Variants in ENOPH1 observed in about 807,000 individuals in gnomAD.
ENOPH1 encodes the protein enolase-phosphatase 1, also known as enolase-phosphatase E1.
ENOPH1 carries 14 observed loss-of-function variants against 31.1 expected under a neutral mutation model. The ratio of observed to expected loss-of-function variants is 0.45; its 90% CI spans 0.30 to 0.70. ENOPH1 has a LOEUF of 0.70. Ranked by LOEUF, ENOPH1 falls within the 30% of genes least tolerant of loss-of-function variation. ENOPH1 has a pLI of 0.09. For missense variants in ENOPH1, 243 were observed against 321.5 expected (o/e 0.76, Z 1.87); for synonymous variants, 127 against 123.2 (o/e 1.03, Z -0.21).
rs1242690996 is a variant in ENOPH1 at position 82,448,844 on chromosome 4, G to A, written c.186+823G>A. Among the ~76,000 whole-genome samples the A allele has an allele frequency of 4.6e-5, 7 of 151,214 alleles. No individual in the cohort carries two copies. In the South Asian group the frequency reaches 6.3e-4, roughly 14 times the overall value. Reference sequence around the variant, plus strand: ...GAGGCCGAGGCGGGCGGATCACGAGGTCAGGAGATCGAGACCATCTCGGCT... The same window carrying A: ...GAGGCCGAGGCGGGCGGATCACGAGATCAGGAGATCGAGACCATCTCGGCT... On this transcript the variant is annotated intron_variant, in intron 2 of 5. Coordinates refer to ENST00000273920, the MANE Select transcript of ENOPH1 (RefSeq NM_021204.5).
chr4:82,442,891 C>G (rs1722077052), intron 1 of ENOPH1, among the ~76,000 whole-genome samples: 1 of 152,178 alleles, frequency 6.6e-6, no homozygotes, highest in African/African-American at 2.4e-5. Flanking sequence ...GTGGCGTGAT[C>G]TTGGCTTACC....
At chr4:82,440,353 G>A (rs1189905663) in intron 1 of ENOPH1, among the ~76,000 whole-genome samples, 1 of 152,206 alleles carries the variant, frequency 6.6e-6, no homozygotes, top group Non-Finnish European at 1.5e-5. Flanking sequence ...CAGGGAGTTA[G>A]ATGATCCTGG....
At chr4:82,454,239 C>T (rs1722426019) in intron 3 of ENOPH1, among the ~76,000 whole-genome samples, 4 of 152,066 alleles carry the variant, frequency 2.6e-5, no homozygotes, top group African/African-American at 9.7e-5. Flanking sequence ...CATTTTCTAG[C>T]TAATCATAAG....
rs1722623644 is a variant in ENOPH1 at position 82,460,687 on chromosome 4, G to T, written c.*567G>T. 1 of 152,226 alleles carries T rather than the reference G, an allele frequency of 6.6e-6. No homozygotes were observed. The highest frequency in any genetic ancestry group is 2.4e-5 in the African/African-American group (1 of 41,450). The allele number at this position is 152,226 out of a possible 1,614,324, so 9.4% of individuals were successfully genotyped here. ...TCACTTGAGTCTTGATCAAACAAGTGTCTTTTACTTAAGAAGAAACTTGGT... is the reference window on the plus strand; with the variant it reads ...TCACTTGAGTCTTGATCAAACAAGTTTCTTTTACTTAAGAAGAAACTTGGT... On this transcript the variant is annotated 3_prime_UTR_variant, in exon 6 of 6. Transcript: ENST00000273920.
In ENOPH1 at chr4:82,448,118, T is replaced by C. The variant is rs1056005477; in HGVS notation, c.186+97T>C. Reference sequence around the variant, plus strand: ...TGAGCATTTTGTAAAATAAGTGCCCTGGTTTGATAGGGGATAGAAGTTGCA... The same window carrying C: ...TGAGCATTTTGTAAAATAAGTGCCCCGGTTTGATAGGGGATAGAAGTTGCA... On this transcript the variant is annotated intron_variant, in intron 2 of 5. Coordinates refer to ENST00000273920, the MANE Select transcript of ENOPH1 (RefSeq NM_021204.5). 1.2e-5 allele frequency: 9 copies of C among 771,676 alleles called. No homozygotes were observed. In the African/African-American group the frequency reaches 1.4e-4, roughly 12 times the overall value. 47.8% of individuals were successfully genotyped at this position (771,676 alleles called of 1,614,324 possible). A position where few individuals can be genotyped will look rare whatever the true frequency, so the allele number is the denominator to read the frequency against.
At chr4:82,442,183 C>T (rs1722057618) in intron 1 of ENOPH1, among the ~76,000 whole-genome samples, 1 of 152,186 alleles carries the variant, frequency 6.6e-6, no homozygotes, top group South Asian at 2.1e-4. Flanking sequence ...TCACTGGATA[C>T]AGCCTTTAAT....
chr4:82,456,269 A>T lies in ENOPH1; in HGVS notation c.523-646A>T, dbSNP rs578213108. Reference sequence around the variant, plus strand: ...GCCAAACCCAGTTTGAGTGCTTACTATGCTTGTTTTTAGTTTGTGAAAAGT... The same window carrying T: ...GCCAAACCCAGTTTGAGTGCTTACTTTGCTTGTTTTTAGTTTGTGAAAAGT... On this transcript the variant is annotated intron_variant, in intron 4 of 5. Coordinates refer to ENST00000273920, the MANE Select transcript of ENOPH1 (RefSeq NM_021204.5). Among the ~76,000 whole-genome samples the T allele has an allele frequency of 4.9e-5, 7 of 142,564 alleles. No homozygotes were observed. The East Asian group carries it at 1.4e-3, about 29-fold the overall frequency. The allele number at this position is 142,564 out of a possible 152,430, so 93.5% of individuals were successfully genotyped here.
At chr4:82,459,181 C>CT (rs758102728) in intron 5 of ENOPH1, among the ~76,000 whole-genome samples, 7 of 152,216 alleles carry the variant, frequency 4.6e-5, no homozygotes, top group Non-Finnish European at 7.3e-5. Flanking sequence ...ATTTCCCACT[C>CT]TAACTTGCTC....
chr4:82,442,292 G>C (rs577326169), intron 1 of ENOPH1, among the ~76,000 whole-genome samples: 18 of 152,274 alleles, frequency 1.2e-4, no homozygotes, highest in Middle Eastern at 3.4e-3. Context: ...GCCAAGATGC[G>C]GGGGATCATC....
At chr4:82,435,452 C>T (rs1211827341) in intron 1 of ENOPH1, among the ~76,000 whole-genome samples, 1 of 152,082 alleles carries the variant, frequency 6.6e-6, no homozygotes, top group East Asian at 1.9e-4. Context: ...GTTGTCCAGG[C>T]TGGTAAAGCA....
chr4:82,437,274 G>A (rs1172009509), intron 1 of ENOPH1, among the ~76,000 whole-genome samples: 1 of 152,160 alleles, frequency 6.6e-6, no homozygotes, highest in African/African-American at 2.4e-5. Context: ...TTAAGACCCA[G>A]CTGTCACCCT....
chr4:82,443,812 A>G (rs911736301), intron 1 of ENOPH1, among the ~76,000 whole-genome samples: 3 of 152,010 alleles, frequency 2.0e-5, no homozygotes, highest in Non-Finnish European at 4.4e-5. Context: ...CTCAAGTACT[A>G]TAAATCATTT....
In ENOPH1 at chr4:82,457,057, A is replaced by T; in HGVS notation, c.646+19A>T. 2 of 1,612,224 alleles carry T rather than the reference A, an allele frequency of 1.2e-6. No homozygotes were observed. The highest frequency in any genetic ancestry group is 1.7e-6 in the Non-Finnish European group (2 of 1,178,926). On this transcript the variant is annotated intron_variant, in intron 5 of 5. Transcript: ENST00000273920. ...ACTCGAGGTGAGTAATAGACTTCTT[A>T]TATTATATACTCCAGGATATGAACT...
Position 82,460,315 on chromosome 4 carries a change from C to T in ENOPH1, c.*195C>T, listed in dbSNP as rs1484933578. 3 of 493,024 alleles carry T rather than the reference C, an allele frequency of 6.1e-6. No homozygotes were observed. The highest frequency in any genetic ancestry group is 3.9e-5 in the African/African-American group (2 of 50,872). 30.5% of individuals were successfully genotyped at this position (493,024 alleles called of 1,614,324 possible). On this transcript the variant is annotated 3_prime_UTR_variant, in exon 6 of 6. Coordinates refer to ENST00000273920, the MANE Select transcript of ENOPH1 (RefSeq NM_021204.5). The stretch of plus-strand genomic sequence containing the variant: ...AAGTCTCAGTTCAGTGAACACAAAA[C>T]TTATTTAAAGATGCTTTATATGTAG...
intron 4 of ENOPH1, among the ~76,000 whole-genome samples, chr4:82,455,937 G>A (rs1722482637): frequency 6.6e-6 from 1 of 152,020 alleles, no homozygotes; most frequent in African/African-American, 2.4e-5. Flanking sequence ...GAACACTTTG[G>A]CTTTGGAGGT....
intron 1 of ENOPH1, among the ~76,000 whole-genome samples, chr4:82,440,116 G>C (rs1212788443): frequency 2.6e-5 from 4 of 152,178 alleles, no homozygotes; most frequent in Admixed American, 1.3e-4. Flanking sequence ...AGATCACAAA[G>C]GAGTGATTAT....
Position 82,456,959 on chromosome 4 carries a change from G to A in ENOPH1, c.567G>A (p.Glu189=). Residue 189 remains glutamate (E), a synonymous_variant, in exon 5 of 6, where the codon GAG becomes GAA. Coordinates refer to ENST00000273920, the MANE Select transcript of ENOPH1 (RefSeq NM_021204.5). The part of the protein sequence containing the change: ...HFDTKIGHKV[E]SESYRKIADS... ...ATACCAAGATTGGACACAAAGTAGA[G>A]AGTGAAAGTTACCGAAAGATTGCAG... is the stretch of plus-strand genomic sequence containing the variant. The A allele has an allele frequency of 6.2e-7, 1 of 1,614,108 alleles. No homozygotes were observed. The highest frequency in any genetic ancestry group is 8.5e-7 in the Non-Finnish European group (1 of 1,180,012).
intron 1 of ENOPH1, among the ~76,000 whole-genome samples, chr4:82,441,740 G>A (rs978894592): frequency 5.5e-4 from 84 of 152,036 alleles, no homozygotes; most frequent in Non-Finnish European, 1.0e-4. Context: ...AGGAGTTCAC[G>A]ACCCGCCTGG....
chr4:82,451,813 GTCC>G (rs2110045407), intron 3 of ENOPH1, among the ~76,000 whole-genome samples: 1 of 152,178 alleles, frequency 6.6e-6, no homozygotes, highest in African/African-American at 2.4e-5. Flanking sequence ...TTCAGACAGG[GTCC>G]TACTCTGTTG....
Sources: allele counts gnomAD v4.1 joint callset (sites outside exome capture counted in the v4.1 genomes callset), GRCh38; gene constraint gnomAD v4.1.1; transcripts MANE v1.5; gene names NCBI Gene and HGNC (gene_info 2026-07-23, HGNC 2026-07-21).